CLASP2: variants seen among roughly 807,000 people sequenced by gnomAD.
CLASP2 encodes the protein CLIP-associating protein 2.
In CLASP2, 47 loss-of-function variants were observed where a neutral mutation model predicts 194.4. The ratio of observed to expected loss-of-function variants is 0.24; its 90% CI spans 0.19 to 0.31. CLASP2 has a LOEUF of 0.31. Among genes scored for constraint, CLASP2 ranks in the 10% least tolerant of loss-of-function variants. The pLI is 1.00. For synonymous variants in CLASP2, 619 were observed against 633.5 expected (o/e 0.98, Z 0.34); for missense variants, 1,445 against 1,823.6 (o/e 0.79, Z 3.78).
Position 33,582,373 on chromosome 3 carries a change from T to C in CLASP2, c.2240-445A>G, listed in dbSNP as rs115936586. On this transcript the variant is annotated intron_variant, in intron 22 of 38. Transcript: ENST00000682230. ...TCAGTTCAAGATAAAGAGGAAAAAA[T>C]GCCAGGTGCAGTGGCTCATTCCTGT... Among the ~76,000 whole-genome samples, 1,066 of 152,214 alleles carry C rather than the reference T, an allele frequency of 7.0e-3. 13 individuals carry two copies. Among genetic ancestry groups the C allele is most frequent in the African/African-American group, 0.023 (972 of 41,524 alleles).
intron 26 of CLASP2, among the ~76,000 whole-genome samples, chr3:33,567,936 A>C (rs1478692324): frequency 6.6e-6 from 1 of 152,200 alleles, no homozygotes; most frequent in Non-Finnish European, 1.5e-5. Flanking sequence ...TCACTTATAA[A>C]AAATACTAAA....
intron 30 of CLASP2, among the ~76,000 whole-genome samples, chr3:33,547,016 T>C (rs1466982924): frequency 6.6e-6 from 1 of 152,240 alleles, no homozygotes; most frequent in Non-Finnish European, 1.5e-5. Flanking sequence ...GAGATGATTA[T>C]GTGGTTTTTG....
chr3:33,507,588 C>T (rs2048625894), intron 37 of CLASP2, among the ~76,000 whole-genome samples: 1 of 151,996 alleles, frequency 6.6e-6, no homozygotes, highest in African/African-American at 2.4e-5. Flanking sequence ...CTCAAGTGAT[C>T]CTCCCACTTC....
At position 33,535,466 on chromosome 3, in the gene CLASP2, C is replaced by T; in HGVS notation, c.3559-5G>A. 6.2e-7 allele frequency: 1 copy of T among 1,607,590 alleles called. No individual in the cohort carries two copies. Among genetic ancestry groups the T allele is most frequent in the Middle Eastern group, 1.7e-4 (1 of 6,032 alleles). ...CATCCCAGGACCACCACACATCTAT[C>T]AATGGGAAGTGAAAGCCACAGCAAA... is the stretch of plus-strand genomic sequence containing the variant. On this transcript the variant is annotated splice_region_variant and splice_polypyrimidine_tract_variant and intron_variant, in intron 33 of 38. Coordinates refer to ENST00000682230, the MANE Select transcript of CLASP2 (RefSeq NM_001365631.1).
intron 12 of CLASP2, 47 bp from the exon 13 acceptor site, chr3:33,612,118 G>A: frequency 8.3e-7 from 1 of 1,203,334 alleles, no homozygotes; most frequent in African/African-American, 1.5e-5. Context: ...CACACTTCAT[G>A]TGGTCCTTTC....
intron 16 of CLASP2, among the ~76,000 whole-genome samples, chr3:33,605,721 C>T (rs1405429351): frequency 6.6e-6 from 1 of 152,120 alleles, no homozygotes; most frequent in Non-Finnish European, 1.5e-5. Context: ...CAGGTTTAAA[C>T]GATTCTCCTG....
At chr3:33,531,747 C>A (rs2056357309) in intron 34 of CLASP2, among the ~76,000 whole-genome samples, 1 of 152,180 alleles carries the variant, frequency 6.6e-6, no homozygotes, top group Non-Finnish European at 1.5e-5. Flanking sequence ...TGCACTCCAG[C>A]CTAGACGACA....
Position 33,696,836 on chromosome 3 carries a change from A to G in CLASP2, c.274+19T>C. On this transcript the variant is annotated intron_variant, in intron 2 of 38. Transcript: ENST00000682230. ...TGTCAAATCTTATTTAGAATTGTAA[A>G]TAAACAAAGTTAACTTACCCATTGC... 1.4e-6 allele frequency: 2 copies of G among 1,472,768 alleles called. No homozygotes were observed. The highest frequency in any genetic ancestry group is 1.9e-6 in the Non-Finnish European group (2 of 1,068,628). 91.2% of individuals were successfully genotyped at this position (1,472,768 alleles called of 1,614,324 possible). A position where few individuals can be genotyped will look rare whatever the true frequency, so the allele number is the denominator to read the frequency against.
At position 33,644,786 on chromosome 3, in the gene CLASP2, G is replaced by T; in HGVS notation, c.833C>A (p.Pro278His). The T allele has an allele frequency of 1.2e-6, 2 of 1,613,416 alleles. No individual in the cohort carries two copies. Among genetic ancestry groups the T allele is most frequent in the Non-Finnish European group, 1.7e-6 (2 of 1,179,662 alleles). Reference sequence around the variant, plus strand: ...AACCTTAGGGCCACCTGCTGAACCAGGCTTCCTTGCACTGTTGGCAGGATT... The same window carrying T: ...AACCTTAGGGCCACCTGCTGAACCATGCTTCCTTGCACTGTTGGCAGGATT... ...SGNPANSARK[P>H]GSAGGPKVGG... The change falls in exon 8 of 39, where the codon CCT becomes CAT. Residue 278 changes from proline to histidine, a missense_variant. Pro to His is a moderately conservative substitution (Grantham distance 77). Around this residue, in one of 4 missense-constraint regions of CLASP2, gnomAD observed 207 missense variants for 331.4 expected, o/e 0.62. Transcript: ENST00000682230.
chr3:33,622,507 G>A (rs571840141), intron 10 of CLASP2, among the ~76,000 whole-genome samples: 8 of 152,232 alleles, frequency 5.3e-5, no homozygotes, highest in African/African-American at 1.9e-4. Context: ...TTATAAGCAC[G>A]ACGGAGAAAT....
At chr3:33,606,258 A>C (rs2073823709) in intron 16 of CLASP2, among the ~76,000 whole-genome samples, 2 of 152,148 alleles carry the variant, frequency 1.3e-5, no homozygotes, top group Non-Finnish European at 2.9e-5. Context: ...ATAACTTCTG[A>C]ATCTCCATTA....
At chr3:33,693,826 G>A (rs1344560689) in intron 2 of CLASP2, among the ~76,000 whole-genome samples, 1 of 151,498 alleles carries the variant, frequency 6.6e-6, no homozygotes, top group East Asian at 1.9e-4. Context: ...AATGCACAGG[G>A]ATAACAGAAA....
At chr3:33,533,721 C>T (rs2056787257) in intron 34 of CLASP2, among the ~76,000 whole-genome samples, 1 of 151,942 alleles carries the variant, frequency 6.6e-6, no homozygotes, top group African/African-American at 2.4e-5. Context: ...ATCTTTATTG[C>T]TCTTTTTTTT....
At chr3:33,592,596 T>C in intron 20 of CLASP2, 100 bp from the exon 21 acceptor site, 1 of 868,628 alleles carries the variant, frequency 1.2e-6, no homozygotes, top group South Asian at 1.5e-5. Context: ...TGCCAAATTC[T>C]GTAATAATGT....
In CLASP2 at chr3:33,497,565, C is replaced by T. The variant is rs921846181; in HGVS notation, c.*1066G>A. 6.6e-6 allele frequency: 1 copy of T among 152,458 alleles called. No individual in the cohort carries two copies. Among genetic ancestry groups the T allele is most frequent in the Admixed American group, 6.6e-5 (1 of 15,244 alleles). 9.4% of individuals were successfully genotyped at this position (152,458 alleles called of 1,614,324 possible). On this transcript the variant is annotated 3_prime_UTR_variant, in exon 39 of 39. Coordinates refer to ENST00000682230, the MANE Select transcript of CLASP2 (RefSeq NM_001365631.1). ...CCCTGAAGAGGTAGAGAATTTGAGC[C>T]CATTATACAAAGACAGCCTTGGCAC...
At position 33,678,382 on chromosome 3, in the gene CLASP2, A is replaced by G. The variant is rs180710750; in HGVS notation, c.644+5977T>C. ...TATTCTCAAAGTAACCAGAGGGGGAAAAAAACACTGCCTATAGAGGAGCAA... is the reference window on the plus strand; with the variant it reads ...TATTCTCAAAGTAACCAGAGGGGGAGAAAAACACTGCCTATAGAGGAGCAA... On this transcript the variant is annotated intron_variant, in intron 6 of 38. Transcript: ENST00000682230. Among the ~76,000 whole-genome samples the G allele has an allele frequency of 1.7e-3, 261 of 152,234 alleles. 2 individuals are homozygous for G. The highest frequency in any genetic ancestry group is 7.9e-3 in the South Asian group (38 of 4,834).
chr3:33,615,401 A>AG (rs901490788), intron 12 of CLASP2, among the ~76,000 whole-genome samples: 4 of 151,362 alleles, frequency 2.6e-5, no homozygotes, highest in Non-Finnish European at 5.9e-5. Context: ...AGGAAAGAAA[A>AG]GCAGCACAAC....
At chr3:33,710,108 G>A (rs765380693) in intron 1 of CLASP2, among the ~76,000 whole-genome samples, 17 of 152,112 alleles carry the variant, frequency 1.1e-4, no homozygotes, top group Admixed American at 2.0e-4. Context: ...CTACCTTTAC[G>A]TATGTTCAAT....
intron 37 of CLASP2, among the ~76,000 whole-genome samples, chr3:33,509,084 C>T (rs751170607): frequency 2.0e-5 from 3 of 152,066 alleles, no homozygotes; most frequent in Non-Finnish European, 4.4e-5. Context: ...GATTCAGAGG[C>T]TAGTAGGAAA....
Sources: allele counts gnomAD v4.1 joint callset (sites outside exome capture counted in the v4.1 genomes callset), GRCh38; gene constraint gnomAD v4.1.1; regional missense constraint gnomAD v4.1.1; transcripts MANE v1.5; gene names NCBI Gene and HGNC (gene_info 2026-07-23, HGNC 2026-07-21).